The following MACROD2 variants were observed in gnomAD, a reference collection of about 807,000 sequenced individuals.
The protein encoded by MACROD2 is ADP-ribose glycohydrolase MACROD2.
In MACROD2, 36 loss-of-function variants were observed where a neutral mutation model predicts 70.4. The ratio of observed to expected loss-of-function variants is 0.51; its 90% CI spans 0.39 to 0.68. The LOEUF (loss-of-function observed/expected upper bound fraction) is 0.68, where lower values mean the gene tolerates loss of function less well. Among genes scored for constraint, MACROD2 ranks in the 30% least tolerant of loss-of-function variants. The pLI, the probability that MACROD2 is intolerant of heterozygous loss-of-function variation, is 0.00. For synonymous variants in MACROD2, 172 were observed against 178.8 expected (o/e 0.96, Z 0.30); for missense variants, 496 against 538.4 (o/e 0.92, Z 0.78).
At chr20:15,152,198 A>G (rs1162967801) in intron 5 of MACROD2, among the ~76,000 whole-genome samples, 1 of 152,012 alleles carries the variant, frequency 6.6e-6, no homozygotes, top group Non-Finnish European at 1.5e-5. Context: ...ATTGGGGTCA[A>G]GCGGCATTGC....
chr20:15,052,831 T>A (rs1408615990), intron 5 of MACROD2, among the ~76,000 whole-genome samples: 2 of 152,240 alleles, frequency 1.3e-5, no homozygotes, highest in East Asian at 3.8e-4. Context: ...ATGCTAGGCC[T>A]CTTGTGCCAA....
At chr20:15,926,775 G>A (rs577074207) in intron 10 of MACROD2, among the ~76,000 whole-genome samples, 1 of 152,300 alleles carries the variant, frequency 6.6e-6, no homozygotes, top group South Asian at 2.1e-4. Context: ...TGGCTGCAGC[G>A]ACTGAACCAG....
intron 8 of MACROD2, among the ~76,000 whole-genome samples, chr20:15,661,185 C>G (rs1223577473): frequency 6.6e-6 from 1 of 152,104 alleles, no homozygotes; most frequent in African/African-American, 2.4e-5. Context: ...AAGGCAACTA[C>G]TCAAATCTTG....
chr20:15,333,045 C>G (rs755627741), intron 6 of MACROD2, among the ~76,000 whole-genome samples: 11 of 151,736 alleles, frequency 7.2e-5, no homozygotes, highest in Non-Finnish European at 1.3e-4. Context: ...TAATATAGAA[C>G]TCTTGAATAA....
intron 3 of MACROD2, among the ~76,000 whole-genome samples, chr20:14,381,787 C>T (rs573267578): frequency 6.6e-6 from 1 of 152,140 alleles, no homozygotes; most frequent in Non-Finnish European, 1.5e-5. Context: ...AAGAAAAATT[C>T]TAAATTCAGC....
At chr20:15,496,744 A>G (rs1241653362) in intron 7 of MACROD2, among the ~76,000 whole-genome samples, 2 of 152,246 alleles carry the variant, frequency 1.3e-5, no homozygotes, top group Non-Finnish European at 2.9e-5. Flanking sequence ...CCCTGGGGTC[A>G]TTGGAATGTG....
intron 8 of MACROD2, among the ~76,000 whole-genome samples, chr20:15,696,392 A>G (rs2050371971): frequency 6.6e-6 from 1 of 152,142 alleles, no homozygotes; most frequent in Non-Finnish European, 1.5e-5. Flanking sequence ...CTGGTATGAA[A>G]CCCATTTGAT....
intron 5 of MACROD2, among the ~76,000 whole-genome samples, chr20:14,885,428 C>T (rs777945252): frequency 2.6e-5 from 4 of 152,170 alleles, no homozygotes; most frequent in Non-Finnish European, 4.4e-5. Flanking sequence ...GCCATCACCT[C>T]TACTCTGGTA....
chr20:14,639,396 T>TC (rs1568714206), intron 4 of MACROD2, among the ~76,000 whole-genome samples: 1 of 5,174 alleles, frequency 1.9e-4, no homozygotes, highest in African/African-American at 6.4e-3. Flanking sequence ...TTTTGAAATG[T>TC]TATTATTATT....
intron 3 of MACROD2, among the ~76,000 whole-genome samples, chr20:14,358,492 C>T (rs2083193240): frequency 1.3e-5 from 2 of 152,018 alleles, no homozygotes. Flanking sequence ...GAGTCTCACT[C>T]TGTTGCCAGG....
intron 3 of MACROD2, among the ~76,000 whole-genome samples, chr20:14,366,840 T>C (rs1384899159): frequency 6.6e-6 from 1 of 152,126 alleles, no homozygotes; most frequent in Non-Finnish European, 1.5e-5. Flanking sequence ...GTTATAAAAT[T>C]ATATATATTT....
intron 3 of MACROD2, among the ~76,000 whole-genome samples, chr20:14,390,550 A>G (rs980997791): frequency 6.6e-6 from 1 of 152,222 alleles, no homozygotes; most frequent in Non-Finnish European, 1.5e-5. Context: ...ACAGACACAT[A>G]GACCAATGGA....
chr20:14,353,676 T>C (rs927911539), intron 3 of MACROD2, among the ~76,000 whole-genome samples: 3 of 152,150 alleles, frequency 2.0e-5, no homozygotes, highest in Non-Finnish European at 4.4e-5. Flanking sequence ...AGCTTTCCTC[T>C]TGGTCATGAA....
chr20:14,915,498 T>G (rs1600816559), intron 5 of MACROD2, among the ~76,000 whole-genome samples: 1 of 152,312 alleles, frequency 6.6e-6, no homozygotes, highest in East Asian at 1.9e-4. Context: ...GTGTATCTGC[T>G]TGTTATTTCG....
intron 6 of MACROD2, among the ~76,000 whole-genome samples, chr20:15,245,143 A>G (rs2077094520): frequency 6.6e-6 from 1 of 152,188 alleles, no homozygotes; most frequent in African/African-American, 2.4e-5. Flanking sequence ...TCATGCCTTC[A>G]TTTATTTTAC....
chr20:14,271,217 C>T (rs953491076), intron 3 of MACROD2, among the ~76,000 whole-genome samples: 20 of 152,184 alleles, frequency 1.3e-4, no homozygotes, highest in East Asian at 3.9e-4. Context: ...CCCTGACCCC[C>T]GAGCAGCCTA....
chr20:15,499,791 G>T lies in MACROD2; in HGVS notation c.589G>T (p.Ala197Ser). ...TGIYGFPNEP[A>S]AVIALNTIKE... ...TCATCTAGGCTTTCCCAACGAGCCTGCTGCAGTCATTGCCCTCAACACCAT... is the reference window on the plus strand; with the variant it reads ...TCATCTAGGCTTTCCCAACGAGCCTTCTGCAGTCATTGCCCTCAACACCAT... Residue 197 changes from alanine (A) to serine (S), a missense_variant, in exon 8 of 18, where the codon GCT becomes TCT. Coordinates refer to ENST00000684519, the MANE Select transcript of MACROD2 (RefSeq NM_001351661.2). 6.2e-7 allele frequency: 1 copy of T among 1,613,794 alleles called. No homozygotes were observed.
intron 3 of MACROD2, among the ~76,000 whole-genome samples, chr20:14,133,962 C>G (rs2054755431): frequency 6.6e-6 from 1 of 152,222 alleles, no homozygotes; most frequent in East Asian, 1.9e-4. Flanking sequence ...TTTGGCCCAG[C>G]TAGAGATAAC....
At chr20:14,927,188 C>T (rs557762003) in intron 5 of MACROD2, among the ~76,000 whole-genome samples, 1 of 152,120 alleles carries the variant, frequency 6.6e-6, no homozygotes, top group South Asian at 2.1e-4. Flanking sequence ...TTCTTGCAAT[C>T]ACAGGAAAAG....
Sources: allele counts gnomAD v4.1 joint callset (sites outside exome capture counted in the v4.1 genomes callset), GRCh38; gene constraint gnomAD v4.1.1; transcripts MANE v1.5; gene names NCBI Gene and HGNC (gene_info 2026-07-23, HGNC 2026-07-21).